The following EIPR1 variants were observed in gnomAD, a reference collection of about 807,000 sequenced individuals.
The protein encoded by EIPR1 is EARP and GARP complex-interacting protein 1.
A neutral mutation model predicts 48.1 loss-of-function variants in EIPR1; 25 were observed. The ratio of observed to expected loss-of-function variants is 0.52; its 90% CI spans 0.38 to 0.73. EIPR1 has a LOEUF of 0.73. EIPR1 is among the 30% of genes least tolerant of loss of function. The probability of loss-of-function intolerance (pLI) is 0.00; values close to 1 mark genes in which losing one functional copy is unlikely to be tolerated. For missense variants in EIPR1, 415 were observed against 506.2 expected (o/e 0.82, Z 1.73); for synonymous variants, 204 against 201.9 (o/e 1.01, Z -0.09).
chr2:3,347,701 A>G (rs1464473229), intron 2 of EIPR1, among the ~76,000 whole-genome samples: 1 of 152,210 alleles, frequency 6.6e-6, no homozygotes, highest in Non-Finnish European at 1.5e-5. Context: ...TGAAAGCTGG[A>G]AAAAAACAAT....
chr2:3,195,747 GGCTCCATGCAAACCAAAGCT>G (rs1315590443), intron 6 of EIPR1, among the ~76,000 whole-genome samples: 1 of 152,114 alleles, frequency 6.6e-6, no homozygotes, highest in Admixed American at 6.5e-5. Flanking sequence ...AAGGCATCCT[GGCTCCATGCAAACCAAAGCT>G]GCTTGCAAAA....
At chr2:3,250,082 C>A (rs1666957640) in intron 4 of EIPR1, among the ~76,000 whole-genome samples, 1 of 152,038 alleles carries the variant, frequency 6.6e-6, no homozygotes, top group Admixed American at 6.5e-5. Flanking sequence ...CCACAGAGTC[C>A]CCATTAGGAC....
chr2:3,268,717 C>A lies in EIPR1; in HGVS notation c.260-11262G>T, dbSNP rs1167487268. ...GGCCTGTTGACCAGGAAGCTTTGGG[C>A]ACCTCAGATACCCAAACAACACAAG... On this transcript the variant is annotated intron_variant, in intron 3 of 8. Transcript: ENST00000382125. Among the ~76,000 whole-genome samples, 2 of 152,200 alleles carry A rather than the reference C, an allele frequency of 1.3e-5. 1 individual carries two copies. The highest frequency in any genetic ancestry group is 2.9e-5 in the Non-Finnish European group (2 of 68,040).
intron 4 of EIPR1, among the ~76,000 whole-genome samples, chr2:3,239,655 G>A (rs905720693): frequency 2.6e-5 from 4 of 151,690 alleles, no homozygotes; most frequent in African/African-American, 9.7e-5. Flanking sequence ...ATGTGGCCCT[G>A]CCCTCAGCAC....
At chr2:3,231,845 T>A (rs1666253168) in intron 4 of EIPR1, among the ~76,000 whole-genome samples, 1 of 152,250 alleles carries the variant, frequency 6.6e-6, no homozygotes, top group South Asian at 2.1e-4. Context: ...AATGCTGGTC[T>A]CATAAAATAA....
At chr2:3,303,276 T>C (rs563171396) in intron 3 of EIPR1, among the ~76,000 whole-genome samples, 1 of 152,308 alleles carries the variant, frequency 6.6e-6, no homozygotes, top group South Asian at 2.1e-4. Flanking sequence ...TCACCAGCCA[T>C]GCCGAGGGCC....
intron 3 of EIPR1, among the ~76,000 whole-genome samples, chr2:3,311,678 G>A (rs1178434891): frequency 2.0e-5 from 3 of 152,176 alleles, no homozygotes; most frequent in African/African-American, 7.2e-5. Context: ...CAGAGTACAG[G>A]GCTAGGGGTC....
intron 5 of EIPR1, among the ~76,000 whole-genome samples, chr2:3,206,601 A>ACT (rs1357322929): frequency 6.6e-6 from 1 of 152,214 alleles, no homozygotes; most frequent in Non-Finnish European, 1.5e-5. Context: ...GAAGAATAGA[A>ACT]CTAAAAGGGT....
chr2:3,373,454 G>C (rs550940259), intron 1 of EIPR1, among the ~76,000 whole-genome samples: 1 of 152,098 alleles, frequency 6.6e-6, no homozygotes, highest in East Asian at 1.9e-4. Context: ...GTTTGCAGAC[G>C]ACATGATTGT....
In EIPR1 at chr2:3,312,947, C is replaced by T; in HGVS notation, c.259+25070G>A. 6.6e-6 allele frequency among the ~76,000 whole-genome samples: 1 copy of T among 152,190 alleles called. No individual in the cohort carries two copies. Among genetic ancestry groups the T allele is most frequent in the Middle Eastern group, 3.2e-3 (1 of 316 alleles). On this transcript the variant is annotated intron_variant, in intron 3 of 8. Transcript: ENST00000382125. The surrounding 1 kb of genome is among the most constrained non-coding windows in gnomAD (Gnocchi z 5.5). ...ACACTGAAAACTACTCCTTATTTAC[C>T]TGAAATTCAAGTTTAACAGGATATC...
chr2:3,278,818 A>G (rs539066801), intron 3 of EIPR1, among the ~76,000 whole-genome samples: 1 of 152,176 alleles, frequency 6.6e-6, no homozygotes, highest in South Asian at 2.1e-4. Context: ...CAACCCCATA[A>G]GCCCCACAGA....
At chr2:3,300,762 A>C (rs1191100673) in intron 3 of EIPR1, 1 of 152,270 alleles carries the variant, frequency 6.6e-6, no homozygotes, top group Non-Finnish European at 1.5e-5. Context: ...CTAATGGTCC[A>C]AAAGCGTTTG....
chr2:3,317,642 T>G (rs1275295243), intron 3 of EIPR1, among the ~76,000 whole-genome samples: 2 of 152,146 alleles, frequency 1.3e-5, no homozygotes, highest in Non-Finnish European at 2.9e-5. Context: ...CCACCCCCAA[T>G]TCCCCCGCCT....
chr2:3,372,757 G>T (rs1473303705), intron 1 of EIPR1, among the ~76,000 whole-genome samples: 1 of 152,086 alleles, frequency 6.6e-6, no homozygotes, highest in Non-Finnish European at 1.5e-5. Context: ...CAACCAAAAA[G>T]AGTCCAGGAC....
intron 1 of EIPR1, among the ~76,000 whole-genome samples, chr2:3,356,475 C>A (rs548656073): frequency 6.6e-6 from 1 of 152,358 alleles, no homozygotes; most frequent in South Asian, 2.1e-4. Context: ...GTTACTAGAG[C>A]TGTGACTAGC....
intron 2 of EIPR1, among the ~76,000 whole-genome samples, chr2:3,345,281 C>T (rs1670365139): frequency 6.6e-6 from 1 of 151,780 alleles, no homozygotes; most frequent in African/African-American, 2.4e-5. Flanking sequence ...AAGTAGAACT[C>T]TATAAAAAAA....
At chr2:3,246,612 G>T (rs1447627550) in intron 4 of EIPR1, among the ~76,000 whole-genome samples, 1 of 152,010 alleles carries the variant, frequency 6.6e-6, no homozygotes, top group Non-Finnish European at 1.5e-5. Context: ...AGATCAGCTA[G>T]CCACCATGCA....
intron 4 of EIPR1, among the ~76,000 whole-genome samples, chr2:3,231,253 T>C (rs1018711916): frequency 6.6e-6 from 1 of 152,210 alleles, no homozygotes; most frequent in African/African-American, 2.4e-5. Context: ...TTTAGTGGAA[T>C]CTTTAGGGTT....
At chr2:3,217,767 G>A (rs150481175) in intron 4 of EIPR1, among the ~76,000 whole-genome samples, 74 of 152,156 alleles carry the variant, frequency 4.9e-4, no homozygotes, top group Non-Finnish European at 9.1e-4. Context: ...GCAAGACCCC[G>A]CATGGTACCA....
Sources: gnomAD v4.1 joint callset for allele counts (sites outside exome capture counted in the v4.1 genomes callset) on GRCh38, gnomAD v4.1.1 for gene constraint, Gnocchi (gnomAD v3.1) non-coding constraint, MANE v1.5 for transcripts, NCBI Gene and HGNC (gene_info 2026-07-23, HGNC 2026-07-21) for gene names.